The following N4BP2L1 variants were observed in gnomAD, a reference collection of about 807,000 sequenced individuals.
N4BP2L1 encodes the protein NEDD4-binding protein 2-like 1.
Under a neutral mutation model 21.2 loss-of-function variants are expected in N4BP2L1, and 12 were observed. The ratio of observed to expected loss-of-function variants is 0.57; its 90% CI spans 0.36 to 0.92. The LOEUF (loss-of-function observed/expected upper bound fraction) is 0.92. Among genes scored for constraint, N4BP2L1 ranks in the 40% least tolerant of loss-of-function variants. N4BP2L1 has a pLI of 0.01. For missense variants in N4BP2L1, 259 were observed against 310.6 expected (o/e 0.83, Z 1.25); for synonymous variants, 104 against 112.8 (o/e 0.92, Z 0.49).
intron 1 of N4BP2L1, chr13:32,425,155 C>G (rs1261120448): frequency 6.6e-6 from 1 of 152,166 alleles, no homozygotes; most frequent in Non-Finnish European, 1.5e-5. Flanking sequence ...TTACTATTTT[C>G]TATATACATG....
chr13:32,415,309 C>G (rs553954380), intron 1 of N4BP2L1, among the ~76,000 whole-genome samples: 1 of 152,168 alleles, frequency 6.6e-6, no homozygotes, highest in Non-Finnish European at 1.5e-5. Context: ...ACTGCCACAC[C>G]CAACAAAGTG....
intron 1 of N4BP2L1, among the ~76,000 whole-genome samples, chr13:32,410,606 C>T (rs1440662967): frequency 6.6e-6 from 1 of 152,250 alleles, no homozygotes. Context: ...AAAGTCCAAA[C>T]CTTAACCTCT....
chr13:32,417,037 G>T (rs944083862), intron 1 of N4BP2L1, among the ~76,000 whole-genome samples: 1 of 152,032 alleles, frequency 6.6e-6, no homozygotes, highest in Non-Finnish European at 1.5e-5. Context: ...GGCTGGTCTC[G>T]AACTCCTGAC....
chr13:32,423,622 C>A (rs1290505543), intron 1 of N4BP2L1, among the ~76,000 whole-genome samples: 1 of 152,190 alleles, frequency 6.6e-6, no homozygotes, highest in African/African-American at 2.4e-5. Context: ...AGTTCTGACA[C>A]ATGCTACAAC....
chr13:32,404,300 A>G, intron 4 of N4BP2L1, 21 bp downstream of exon 4: 4 of 1,606,794 alleles, frequency 2.5e-6, no homozygotes, highest in South Asian at 1.1e-5. Context: ...ATAATGAGGA[A>G]CTAGAAAAAC....
rs935575166 is a variant in N4BP2L1, at chr13:32,407,511, CT to C, written c.307+133del. On this transcript the variant is annotated intron_variant, in intron 2 of 4. Coordinates refer to ENST00000380130, the MANE Select transcript of N4BP2L1 (RefSeq NM_052818.3). ...CTCTGGAATCTAAGGAGGTTATGCT[CT>C]GGTGTTCTGTTTTGGGGGAAAAATT... is the stretch of plus-strand genomic sequence containing the variant. 1.1e-5 allele frequency: 17 copies of C among 1,587,482 alleles called. No individual in the cohort carries two copies. The Admixed American group carries it at 2.6e-4, about 25-fold the overall frequency.
intron 1 of N4BP2L1, chr13:32,425,509 C>A (rs2074714561): frequency 6.6e-6 from 1 of 152,164 alleles, no homozygotes; most frequent in South Asian, 2.1e-4. Context: ...AACAACGGAG[C>A]AGTAACTAAC....
At chr13:32,413,393 G>A (rs2073965369) in intron 1 of N4BP2L1, among the ~76,000 whole-genome samples, 1 of 152,176 alleles carries the variant, frequency 6.6e-6, no homozygotes. Context: ...AGAATGTTCT[G>A]CATTCTGGGT....
At chr13:32,428,172 A>C (rs905439477), upstream of N4BP2L1, 86 of 1,296,720 alleles carry the variant, frequency 6.6e-5, 1 homozygote, top group Non-Finnish European at 8.3e-5. Flanking sequence ...CTCTCCGGCC[A>C]TGTGATGGAT....
chr13:32,417,832 T>TGCAA (rs1182604994), intron 1 of N4BP2L1, among the ~76,000 whole-genome samples: 3 of 152,206 alleles, frequency 2.0e-5, no homozygotes, highest in South Asian at 2.1e-4. Flanking sequence ...ACTCTTGCTA[T>TGCAA]GCAAAGAGAC....
chr13:32,418,617 G>T (rs1169764890), intron 1 of N4BP2L1, among the ~76,000 whole-genome samples: 3 of 152,224 alleles, frequency 2.0e-5, no homozygotes, highest in Non-Finnish European at 2.9e-5. Flanking sequence ...CTTGCAGCTT[G>T]TGCCTGGAAA....
intron 3 of N4BP2L1, chr13:32,406,969 G>A (rs2073553253): frequency 2.3e-6 from 1 of 429,022 alleles, no homozygotes; most frequent in South Asian, 2.3e-5. Flanking sequence ...CTTGCCGTAG[G>A]AAAGTAATTA....
At chr13:32,418,260 A>G (rs917524531) in intron 1 of N4BP2L1, among the ~76,000 whole-genome samples, 2 of 152,208 alleles carry the variant, frequency 1.3e-5, no homozygotes, top group African/African-American at 4.8e-5. Context: ...CTGGCTGGCC[A>G]TGGCTAAAAG....
At chr13:32,420,978 G>A (rs1446558964) in intron 1 of N4BP2L1, among the ~76,000 whole-genome samples, 2 of 152,140 alleles carry the variant, frequency 1.3e-5, no homozygotes, top group African/African-American at 4.8e-5. Context: ...TTACAGGCAT[G>A]AGCCACCATG....
In N4BP2L1 at chr13:32,419,412, A is replaced by ATTTTTTTTTTTTTTTT. The variant is rs71071039; in HGVS notation, c.179+8476_179+8491dup. 441 of 284,678 alleles carry ATTTTTTTTTTTTTTTT rather than the reference A, an allele frequency of 1.5e-3. 21 individuals carry two copies. The highest frequency in any genetic ancestry group is 1.9e-3 in the Non-Finnish European group (302 of 158,710). 17.6% of individuals were successfully genotyped at this position (284,678 alleles called of 1,614,324 possible). A position where few individuals can be genotyped will look rare whatever the true frequency, so the allele number is the denominator to read the frequency against. On this transcript the variant is annotated intron_variant, in intron 1 of 4. Transcript: ENST00000380130. ...GGGTGCTTGCCACCATGCTTGGCTAATTTTTTTTTTTTTTTTTTTTTTTTT... is the reference window on the plus strand; with the variant it reads ...GGGTGCTTGCCACCATGCTTGGCTAATTTTTTTTTTTTTTTTTTTTTTTTTTTTTTTTTTTTTTTTT...
chr13:32,404,428 A>C (rs774777506), intron 3 of N4BP2L1, 31 bp from the exon 4 acceptor site: 1 of 1,476,884 alleles, frequency 6.8e-7, no homozygotes. Context: ...AAAACATTGA[A>C]GACATAGTAT....
At position 32,419,239 on chromosome 13, in the gene N4BP2L1, C is replaced by CTTT. The variant is rs34280009; in HGVS notation, c.179+8662_179+8664dup. ...GATAGTGAGTTCTCACAAGATCTGGCTTTTTTTTTTTTTTTTTTTTTTTTG... is the reference window on the plus strand; with the variant it reads ...GATAGTGAGTTCTCACAAGATCTGGCTTTTTTTTTTTTTTTTTTTTTTTTTTTG... On this transcript the variant is annotated intron_variant, in intron 1 of 4. Transcript: ENST00000380130. Among the ~76,000 whole-genome samples the CTTT allele has an allele frequency of 8.2e-4, 50 of 61,300 alleles. 1 individual carries two copies. Among genetic ancestry groups the CTTT allele is most frequent in the East Asian group, 1.2e-3 (3 of 2,518 alleles). The allele number at this position is 61,300 out of a possible 152,430, so 40.2% of individuals were successfully genotyped here.
At chr13:32,422,729 C>A (rs944066306) in intron 1 of N4BP2L1, among the ~76,000 whole-genome samples, 1 of 152,128 alleles carries the variant, frequency 6.6e-6, no homozygotes, top group African/African-American at 2.4e-5. Context: ...ACAGATACAG[C>A]TTTTAAGTCC....
At chr13:32,419,935 A>G (rs1363698322) in intron 1 of N4BP2L1, among the ~76,000 whole-genome samples, 2 of 152,196 alleles carry the variant, frequency 1.3e-5, no homozygotes, top group East Asian at 3.9e-4. Flanking sequence ...GCAGGGAGGG[A>G]GCCAAGCTAT....
Sources: allele counts gnomAD v4.1 joint callset (sites outside exome capture counted in the v4.1 genomes callset), GRCh38; gene constraint gnomAD v4.1.1; transcripts MANE v1.5; gene names NCBI Gene and HGNC (gene_info 2026-07-23, HGNC 2026-07-21).